Variants in NCOR1 observed in about 807,000 individuals in gnomAD.
The protein encoded by NCOR1 is nuclear receptor corepressor 1.
Under a neutral mutation model 288.1 loss-of-function variants are expected in NCOR1, and 63 were observed. That is an observed-to-expected ratio of 0.22 (90% CI 0.18 to 0.27). NCOR1 has a LOEUF of 0.27. Ranked by LOEUF, NCOR1 falls within the 10% of genes least tolerant of loss-of-function variation. NCOR1 has a pLI of 1.00. For missense variants in NCOR1, 2,397 were observed against 3,019.2 expected (o/e 0.79, Z 4.83); for synonymous variants, 1,007 against 1,065.9 (o/e 0.94, Z 1.08).
intron 8 of NCOR1, 83 bp from the exon 9 acceptor site, chr17:16,149,600 A>C: frequency 1.9e-6 from 1 of 539,920 alleles, no homozygotes. Context: ...GAGACACTGG[A>C]AAATAGGCAA....
At chr17:16,169,128 C>A (rs1220949150) in intron 4 of NCOR1, among the ~76,000 whole-genome samples, 1 of 151,954 alleles carries the variant, frequency 6.6e-6, no homozygotes, top group Non-Finnish European at 1.5e-5. Context: ...AACCTATTGG[C>A]ACAAAAAGAA....
chr17:16,075,856 T>G (rs536580591), intron 26 of NCOR1, among the ~76,000 whole-genome samples, 154 bp from the exon 27 acceptor site: 3 of 152,200 alleles, frequency 2.0e-5, no homozygotes, highest in Non-Finnish European at 4.4e-5. Context: ...ACATTGAATT[T>G]TTATCAACAT....
chr17:16,149,292 CATAT>C (rs34511605), intron 9 of NCOR1, among the ~76,000 whole-genome samples, 155 bp downstream of exon 9: 7,947 of 137,918 alleles, frequency 0.058, 275 homozygotes, highest in East Asian at 0.12. Flanking sequence ...AGATTTAAGT[CATAT>C]ATATATATAT....
intron 37 of NCOR1, among the ~76,000 whole-genome samples, chr17:16,059,422 T>C (rs1013405193): frequency 4.6e-5 from 7 of 152,190 alleles, no homozygotes; most frequent in African/African-American, 1.4e-4. Context: ...CTGTGTTACA[T>C]TGTGAAAATA....
chr17:16,163,993 G>C (rs1243041179), intron 5 of NCOR1, among the ~76,000 whole-genome samples: 2 of 152,154 alleles, frequency 1.3e-5, no homozygotes, highest in Non-Finnish European at 2.9e-5. Context: ...TGGGGAAAAG[G>C]GGAAATGGGG....
intron 3 of NCOR1, among the ~76,000 whole-genome samples, chr17:16,177,385 T>C (rs2084412110): frequency 6.6e-6 from 1 of 152,210 alleles, no homozygotes; most frequent in Non-Finnish European, 1.5e-5. Flanking sequence ...TGGCATACTA[T>C]GTTGCTTTAA....
chr17:16,091,334 T>C (rs2065147022), intron 22 of NCOR1, among the ~76,000 whole-genome samples: 1 of 152,266 alleles, frequency 6.6e-6, no homozygotes, highest in African/African-American at 2.4e-5. Flanking sequence ...GGTAGACGTG[T>C]ACTATTATTT....
At position 16,097,929 on chromosome 17, in the gene NCOR1, G is replaced by C. The variant is rs142013520; in HGVS notation, c.2820+438C>G. The stretch of plus-strand genomic sequence containing the variant: ...AGGTAGTTGGTGTCCGAATTGAACT[G>C]AACTGTAGGAACCTAGTTGGTGACC... On this transcript the variant is annotated intron_variant, in intron 21 of 45. Coordinates refer to ENST00000268712, the MANE Select transcript of NCOR1 (RefSeq NM_006311.4). 2.8e-3 allele frequency among the ~76,000 whole-genome samples: 430 copies of C among 152,284 alleles called. 3 individuals are homozygous for C. The highest frequency in any genetic ancestry group is 9.6e-3 in the African/African-American group (397 of 41,552).
At chr17:16,138,864 A>G in intron 12 of NCOR1, 144 bp downstream of exon 12, 1 of 583,140 alleles carries the variant, frequency 1.7e-6, no homozygotes, top group Non-Finnish European at 3.0e-6. Context: ...GAAGATCAAT[A>G]TTCTCTACTT....
At position 16,093,679 on chromosome 17, in the gene NCOR1, C is replaced by T. The variant is rs561250313; in HGVS notation, c.2821-1621G>A. On this transcript the variant is annotated intron_variant, in intron 21 of 45. Coordinates refer to ENST00000268712, the MANE Select transcript of NCOR1 (RefSeq NM_006311.4). ...GTAGTATTATTCACTGATCCTAAAA[C>T]CCATAACTTTCTTGCCTTTGTGCTT... 3.9e-5 allele frequency among the ~76,000 whole-genome samples: 6 copies of T among 152,258 alleles called. No individual in the cohort carries two copies. In the South Asian group the frequency reaches 1.2e-3, roughly 32 times the overall value.
intron 40 of NCOR1, among the ~76,000 whole-genome samples, chr17:16,055,807 A>ATT (rs1567735579): frequency 6.6e-6 from 1 of 152,078 alleles, no homozygotes; most frequent in East Asian, 1.9e-4. Flanking sequence ...TGATAATCAC[A>ATT]TTTCTTTTCT....
intron 37 of NCOR1, 133 bp downstream of exon 37, chr17:16,061,268 A>T (rs1325984556): frequency 9.9e-6 from 11 of 1,106,150 alleles, no homozygotes; most frequent in Non-Finnish European, 1.3e-5. Flanking sequence ...AAAACAGCAG[A>T]AGATACATTT....
intron 1 of NCOR1, among the ~76,000 whole-genome samples, chr17:16,199,037 C>A (rs1210872270): frequency 3.9e-5 from 6 of 151,934 alleles, no homozygotes; most frequent in Non-Finnish European, 7.4e-5. Context: ...CAATTACACT[C>A]AATGTCACTC....
At chr17:16,097,377 T>C (rs1046460107) in intron 21 of NCOR1, among the ~76,000 whole-genome samples, 11 of 152,236 alleles carry the variant, frequency 7.2e-5, no homozygotes, top group African/African-American at 2.7e-4. Flanking sequence ...GGCACCACCA[T>C]GCCCAGCAAG....
chr17:16,160,298 G>A (rs1480814174), intron 5 of NCOR1, among the ~76,000 whole-genome samples: 1 of 152,036 alleles, frequency 6.6e-6, no homozygotes, highest in Non-Finnish European at 1.5e-5. Context: ...AGTGAAGCAA[G>A]CAGGGACTTG....
chr17:16,126,060 TATA>T lies in NCOR1; in HGVS notation c.1634+19_1634+21del, dbSNP rs2073989938. ...ATAAAAATAAACATTTAACTTATTA[TATA>T]ACTAATTATTTAACTCACTTGGAGT... On this transcript the variant is annotated intron_variant, in intron 15 of 45. Coordinates refer to ENST00000268712, the MANE Select transcript of NCOR1 (RefSeq NM_006311.4). The T allele has an allele frequency of 9.4e-7, 1 of 1,061,166 alleles. No individual in the cohort carries two copies. The highest frequency in any genetic ancestry group is 1.3e-6 in the Non-Finnish European group (1 of 746,968). 65.7% of individuals were successfully genotyped at this position (1,061,166 alleles called of 1,614,324 possible).
chr17:16,159,358 A>G (rs1228288363), intron 5 of NCOR1, among the ~76,000 whole-genome samples: 6 of 143,402 alleles, frequency 4.2e-5, no homozygotes, highest in Non-Finnish European at 9.1e-5. Flanking sequence ...GGTTGCAGTG[A>G]GTCGAGATAA....
chr17:16,155,654 C>A (rs191709894), intron 6 of NCOR1, among the ~76,000 whole-genome samples: 1 of 152,136 alleles, frequency 6.6e-6, no homozygotes, highest in Non-Finnish European at 1.5e-5. Context: ...CCTCCCACTA[C>A]CTTTCTAAAT....
At chr17:16,073,343 A>G in intron 28 of NCOR1, 86 bp downstream of exon 28, 1 of 1,242,676 alleles carries the variant, frequency 8.0e-7, no homozygotes. Context: ...GAAATGACAG[A>G]AATTGCATAC....
Sources: allele counts gnomAD v4.1 joint callset (sites outside exome capture counted in the v4.1 genomes callset), GRCh38; gene constraint gnomAD v4.1.1; transcripts MANE v1.5; gene names NCBI Gene and HGNC (gene_info 2026-07-23, HGNC 2026-07-21).